The following LINGO2 variants were observed in gnomAD, a reference collection of about 807,000 sequenced individuals.
LINGO2 encodes the protein leucine-rich repeat and immunoglobulin-like domain-containing nogo receptor-interacting protein 2.
Under a neutral mutation model 30.6 loss-of-function variants are expected in LINGO2, and 14 were observed. That is an observed-to-expected ratio of 0.46 (90% confidence interval 0.30 to 0.72). The LOEUF (loss-of-function observed/expected upper bound fraction) is 0.72, where lower values mean the gene tolerates loss of function less well. Among genes scored for constraint, LINGO2 ranks in the 30% least tolerant of loss-of-function variants. LINGO2 has a pLI of 0.07. For missense variants in LINGO2, 729 were observed against 751.7 expected, an observed-to-expected ratio of 0.97 and a Z score of 0.35; for synonymous variants, 317 against 288.5, an observed-to-expected ratio of 1.10 and a Z score of -1.00.
intron 5 of LINGO2, among the ~76,000 whole-genome samples, chr9:28,006,786 T>C (rs1169936239): frequency 6.6e-6 from 1 of 152,180 alleles, no homozygotes; most frequent in African/African-American, 2.4e-5. Flanking sequence ...GCTAAAATGA[T>C]GTATCATACA....
At chr9:27,962,546 C>G (rs7048157) in intron 5 of LINGO2, among the ~76,000 whole-genome samples, 11,445 of 152,118 alleles carry the variant, frequency 0.075, 1,459 homozygotes, top group African/African-American at 0.26. Context: ...GGAACTGCTC[C>G]CCCCCTTCTA....
intron 4 of LINGO2, among the ~76,000 whole-genome samples, chr9:28,200,865 C>G (rs935668481): frequency 2.0e-5 from 3 of 151,988 alleles, no homozygotes; most frequent in Non-Finnish European, 2.9e-5. Context: ...ACAGTGGATC[C>G]CTTTATATGT....
At chr9:28,892,384 G>A in the LINGO2 span, among the ~76,000 whole-genome samples, 1 of 151,882 alleles carries the variant, frequency 6.6e-6, no homozygotes, top group African/African-American at 2.4e-5. Flanking sequence ...AAAGATATTT[G>A]TTTGACACTA....
intron 4 of LINGO2, among the ~76,000 whole-genome samples, chr9:28,202,457 C>A (rs1820271037): frequency 6.6e-6 from 1 of 152,074 alleles, no homozygotes. Flanking sequence ...TGCCTGATGT[C>A]TTCTGAAAAC....
intron 4 of LINGO2, among the ~76,000 whole-genome samples, chr9:28,192,718 C>A (rs997726633): frequency 2.6e-5 from 4 of 152,096 alleles, no homozygotes; most frequent in Non-Finnish European, 4.4e-5. Flanking sequence ...ACACTTTATG[C>A]AAAATGCTGG....
intron 4 of LINGO2, among the ~76,000 whole-genome samples, chr9:28,093,167 G>T (rs1026936649): frequency 6.6e-6 from 1 of 152,066 alleles, no homozygotes; most frequent in Non-Finnish European, 1.5e-5. Context: ...TTAACTCTTA[G>T]ACTAGTTCTA....
intron 1 of LINGO2, among the ~76,000 whole-genome samples, chr9:28,641,227 A>G (rs1436679435): frequency 2.0e-5 from 3 of 152,166 alleles, no homozygotes; most frequent in Non-Finnish European, 4.4e-5. Context: ...TAGTAGAGAC[A>G]GGGTTTCACC....
chr9:28,842,428 T>C, the LINGO2 span, among the ~76,000 whole-genome samples: 1 of 151,864 alleles, frequency 6.6e-6, no homozygotes, highest in Non-Finnish European at 1.5e-5. Flanking sequence ...TGAACACTTA[T>C]TAAGGATGAA....
At chr9:28,477,724 C>T (rs140727903) in intron 1 of LINGO2, among the ~76,000 whole-genome samples, 228 of 152,256 alleles carry the variant, frequency 1.5e-3, no homozygotes, top group African/African-American at 5.2e-3. Flanking sequence ...TCTCACTGAT[C>T]CCACGCTTGA....
the LINGO2 span, among the ~76,000 whole-genome samples, chr9:29,108,390 C>A: frequency 6.6e-6 from 1 of 152,112 alleles, no homozygotes; most frequent in East Asian, 1.9e-4. Flanking sequence ...GCTTAAAAAA[C>A]TCTAACAGTA....
chr9:28,738,955 C>A, the LINGO2 span, among the ~76,000 whole-genome samples: 2 of 151,926 alleles, frequency 1.3e-5, no homozygotes, highest in East Asian at 3.9e-4. Flanking sequence ...TAACATCATA[C>A]TTAAGGACAC....
chr9:28,357,707 A>G (rs938482946), intron 3 of LINGO2, among the ~76,000 whole-genome samples: 1 of 152,118 alleles, frequency 6.6e-6, no homozygotes, highest in African/African-American at 2.4e-5. Context: ...TTTTTCTTGT[A>G]TTCTATAGAA....
the LINGO2 span, among the ~76,000 whole-genome samples, chr9:28,998,753 G>T: frequency 5.9e-5 from 9 of 151,938 alleles, no homozygotes; most frequent in Non-Finnish European, 8.8e-5. Context: ...ACAGTTAAAG[G>T]CCTCTTAGTT....
the LINGO2 span, among the ~76,000 whole-genome samples, chr9:28,705,096 T>G: frequency 1.3e-5 from 2 of 151,962 alleles, no homozygotes; most frequent in South Asian, 4.2e-4. Flanking sequence ...TTGTATTTTT[T>G]TGTAGAGTTT....
the LINGO2 span, among the ~76,000 whole-genome samples, chr9:29,133,233 T>C: frequency 6.6e-6 from 1 of 151,998 alleles, no homozygotes; most frequent in South Asian, 2.1e-4. Context: ...TGTTTAGGCA[T>C]AATAAGAATA....
intron 4 of LINGO2, among the ~76,000 whole-genome samples, chr9:28,167,261 C>T (rs916911257): frequency 1.3e-5 from 2 of 151,764 alleles, no homozygotes; most frequent in Non-Finnish European, 2.9e-5. Context: ...TAGGGATCCC[C>T]ATTTCTGTGC....
At chr9:28,565,070 AT>A (rs971003565) in intron 1 of LINGO2, among the ~76,000 whole-genome samples, 5 of 151,994 alleles carry the variant, frequency 3.3e-5, no homozygotes, top group Admixed American at 1.3e-4. Flanking sequence ...TACTTTTCAT[AT>A]TTTCTATTCC....
At chr9:28,212,255 A>G (rs1209197332) in intron 4 of LINGO2, among the ~76,000 whole-genome samples, 2 of 151,490 alleles carry the variant, frequency 1.3e-5, no homozygotes, top group Non-Finnish European at 3.0e-5. Context: ...CTCTGTGTTG[A>G]GTAATAAGTA....
chr9:28,591,498 C>G (rs913003119), intron 1 of LINGO2, among the ~76,000 whole-genome samples: 51 of 152,130 alleles, frequency 3.4e-4, no homozygotes, highest in African/African-American at 1.2e-3. Flanking sequence ...GCCCTCCTGT[C>G]TTCCAGAAAG....
Sources: gnomAD v4.1 joint callset for allele counts (sites outside exome capture counted in the v4.1 genomes callset) on GRCh38, gnomAD v4.1.1 for gene constraint, MANE v1.5 for transcripts, NCBI Gene and HGNC (gene_info 2026-07-23, HGNC 2026-07-21) for gene names.